Variants in GMPR observed in about 807,000 individuals in gnomAD.
GMPR encodes GMP reductase 1.
GMPR carries 31 observed loss-of-function variants against 38.4 expected under a neutral mutation model. The observed-to-expected ratio is 0.81, with a 90% CI of 0.61 to 1.09. GMPR has a LOEUF of 1.09. Ranked by LOEUF, GMPR falls within the 50% of genes least tolerant of loss-of-function variation. The pLI, the probability that GMPR is intolerant of heterozygous loss-of-function variation, is 0.00. For missense variants in GMPR, 468 were observed against 453.7 expected (o/e 1.03, Z -0.29); for synonymous variants, 162 against 173.3 (o/e 0.93, Z 0.51).
chr6:16,253,378 C>A (rs1235755783), intron 3 of GMPR, among the ~76,000 whole-genome samples: 6 of 152,328 alleles, frequency 3.9e-5, no homozygotes, highest in African/African-American at 1.4e-4. Flanking sequence ...GCTAATGGTT[C>A]TGCAGGCTGT....
intron 2 of GMPR, among the ~76,000 whole-genome samples, chr6:16,249,481 T>C (rs1400828870): frequency 1.3e-5 from 2 of 152,010 alleles, no homozygotes; most frequent in Non-Finnish European, 2.9e-5. Flanking sequence ...ATTTTAAAAG[T>C]TTGATTTGTT....
In GMPR at chr6:16,295,462, CTCTT is replaced by C. The variant is rs1759920906; in HGVS notation, c.*280_*283del. On this transcript the variant is annotated 3_prime_UTR_variant, in exon 9 of 9. Transcript: ENST00000259727. Reference sequence around the variant, plus strand: ...CCAACACTTGCACCTTTCTCTTTTTCTCTTTCTCTCTCCCTTTCTTTGTTTTTCT... The same window carrying C: ...CCAACACTTGCACCTTTCTCTTTTTCTCTCTCTCCCTTTCTTTGTTTTTCT... The C allele has an allele frequency of 6.0e-6, 2 of 334,816 alleles. No homozygotes were observed. The highest frequency in any genetic ancestry group is 1.1e-5 in the Non-Finnish European group (2 of 186,734). 20.7% of individuals were successfully genotyped at this position (334,816 alleles called of 1,614,324 possible).
intron 7 of GMPR, among the ~76,000 whole-genome samples, chr6:16,287,220 T>C (rs138033523): frequency 7.2e-5 from 11 of 152,324 alleles, no homozygotes; most frequent in African/African-American, 2.6e-4. Flanking sequence ...GTGCTGTCAC[T>C]TACCCTTTAT....
intron 7 of GMPR, chr6:16,289,679 C>CTT (rs76010285): frequency 6.6e-6 from 1 of 151,174 alleles, no homozygotes; most frequent in Admixed American, 6.6e-5. Context: ...TTGAAGCTGT[C>CTT]TAGTGTAGGA....
chr6:16,278,482 T>C (rs1320841856), intron 5 of GMPR, among the ~76,000 whole-genome samples: 1 of 152,112 alleles, frequency 6.6e-6, no homozygotes, highest in Non-Finnish European at 1.5e-5. Context: ...TGCCTGGCTA[T>C]TGCATGGGAG....
intron 1 of GMPR, among the ~76,000 whole-genome samples, chr6:16,240,998 A>G (rs1295574632): frequency 2.6e-5 from 4 of 152,056 alleles, no homozygotes; most frequent in African/African-American, 9.7e-5. Context: ...TGAGGGATCT[A>G]GTTAGGCCTC....
At chr6:16,286,499 C>T (rs1431430244) in intron 7 of GMPR, among the ~76,000 whole-genome samples, 2 of 151,242 alleles carry the variant, frequency 1.3e-5, no homozygotes, top group African/African-American at 2.4e-5. Context: ...TGGGTGCCGG[C>T]GGGAGGCAGA....
chr6:16,267,545 C>T (rs368377345), intron 4 of GMPR, among the ~76,000 whole-genome samples: 2 of 152,108 alleles, frequency 1.3e-5, no homozygotes, highest in Non-Finnish European at 2.9e-5. Flanking sequence ...AGACCATGAA[C>T]CCACCAGAAG....
In GMPR at chr6:16,290,535, G is replaced by A; in HGVS notation, c.771G>A (p.Glu257=). Residue 257 remains glutamate, a synonymous_variant, in exon 8 of 9, where the codon GAG becomes GAA. Coordinates refer to ENST00000259727, the MANE Select transcript of GMPR (RefSeq NM_006877.4). ...CGGAGTGTGCTGGAGAAGTGTTTGA[G>A]AGGAACGGACGGAAGCTCAAGCTCT... ...GHTECAGEVF[E]RNGRKLKLFY... is the part of the protein sequence containing the mutation. The A allele has an allele frequency of 6.2e-7, 1 of 1,614,094 alleles. No homozygotes were observed. The highest frequency in any genetic ancestry group is 8.5e-7 in the Non-Finnish European group (1 of 1,179,940).
chr6:16,290,462 G>C lies in GMPR; in HGVS notation c.698G>C (p.Gly233Ala), dbSNP rs148940073. ...TTTCATCCCCACCGTTGGCATTTAG[G>C]AGCTGGAGCAGATTTTGTCATGCTG... ...TCPGDVAKAFGAGADFVMLGG... is the reference protein window; with the variant it reads ...TCPGDVAKAFAAGADFVMLGG... The change falls in exon 8 of 9, where the codon GGA becomes GCA. Residue 233 changes from glycine to alanine, a missense_variant and splice_region_variant. Physicochemically the swap from Gly to Ala is moderately conservative, Grantham distance 60 (BLOSUM62 0). Transcript: ENST00000259727. The C allele has an allele frequency of 2.2e-5, 35 of 1,613,614 alleles. No homozygotes were observed. In the African/African-American group the frequency reaches 4.3e-4, roughly 20 times the overall value.
chr6:16,294,346 A>G (rs1475485532), intron 8 of GMPR, among the ~76,000 whole-genome samples: 1 of 152,190 alleles, frequency 6.6e-6, no homozygotes, highest in Non-Finnish European at 1.5e-5. Context: ...AAGCAGAAAG[A>G]CAGGCAGGCT....
chr6:16,266,120 GC>G lies in GMPR; in HGVS notation c.466-8294del, dbSNP rs1759207396. On this transcript the variant is annotated intron_variant, in intron 4 of 8. Coordinates refer to ENST00000259727, the MANE Select transcript of GMPR (RefSeq NM_006877.4). ...GCTGTAACACTTGCCATCTTTAAGAGCTGTAACACTTGCCATCTTTAAGAGC... is the reference window on the plus strand; with the variant it reads ...GCTGTAACACTTGCCATCTTTAAGAGTGTAACACTTGCCATCTTTAAGAGC... 6.2e-4 allele frequency among the ~76,000 whole-genome samples: 36 copies of G among 57,852 alleles called. 1 individual carries two copies. In the African/African-American group the frequency reaches 6.3e-3, roughly 10 times the overall value. The allele number at this position is 57,852 out of a possible 152,430, so 38.0% of individuals were successfully genotyped here.
intron 7 of GMPR, among the ~76,000 whole-genome samples, chr6:16,288,566 G>C (rs1337532154): frequency 6.6e-6 from 1 of 152,180 alleles, no homozygotes; most frequent in Non-Finnish European, 1.5e-5. Flanking sequence ...TGTGCGGCGG[G>C]AGCCTCCCTA....
At chr6:16,267,962 TTC>T (rs1377569554) in intron 4 of GMPR, among the ~76,000 whole-genome samples, 1 of 152,142 alleles carries the variant, frequency 6.6e-6, no homozygotes, top group Non-Finnish European at 1.5e-5. Flanking sequence ...TTTCTCAAGG[TTC>T]TGAGCCACAC....
intron 8 of GMPR, among the ~76,000 whole-genome samples, chr6:16,293,315 T>C (rs748833847): frequency 6.6e-6 from 1 of 152,180 alleles, no homozygotes; most frequent in African/African-American, 2.4e-5. Context: ...CATGGAAATA[T>C]CTTACGAAAA....
rs556051300 is a variant in GMPR, at chr6:16,253,667, CTA to C, written c.292-893_292-892del. 1.4e-3 allele frequency among the ~76,000 whole-genome samples: 210 copies of C among 152,274 alleles called. 1 individual carries two copies. The highest frequency in any genetic ancestry group is 2.5e-3 in the Non-Finnish European group (168 of 68,042). On this transcript the variant is annotated intron_variant, in intron 3 of 8. Transcript: ENST00000259727. ...GATTTGGGTGAGGACAATATCCAAA[CTA>C]TGTCACATGCTGCACTATTATTTTA...
At chr6:16,267,399 G>A (rs1383100607) in intron 4 of GMPR, among the ~76,000 whole-genome samples, 3 of 151,508 alleles carry the variant, frequency 2.0e-5, no homozygotes, top group Non-Finnish European at 4.4e-5. Context: ...CACTCACTGT[G>A]AAGGTCTGTG....
At chr6:16,293,086 A>G (rs746356264) in intron 8 of GMPR, among the ~76,000 whole-genome samples, 2 of 152,004 alleles carry the variant, frequency 1.3e-5, no homozygotes, top group Non-Finnish European at 2.9e-5. Flanking sequence ...ATGCTTCCCG[A>G]CTTTGACAAA....
At chr6:16,273,548 T>G (rs1759422637) in intron 4 of GMPR, among the ~76,000 whole-genome samples, 1 of 152,180 alleles carries the variant, frequency 6.6e-6, no homozygotes. Flanking sequence ...AAGCTTCATG[T>G]TCTGTAAACT....
Sources: gnomAD v4.1 joint callset for allele counts (sites outside exome capture counted in the v4.1 genomes callset) on GRCh38, gnomAD v4.1.1 for gene constraint, MANE v1.5 for transcripts, NCBI Gene and HGNC (gene_info 2026-07-23, HGNC 2026-07-21) for gene names.